ANKDD1A: variants seen among roughly 807,000 people sequenced by gnomAD.
The protein encoded by ANKDD1A is ankyrin repeat and death domain containing 1A, also known as ankyrin repeat and death domain-containing protein 1A.
A neutral mutation model predicts 63.5 loss-of-function variants in ANKDD1A; 59 were observed. That is an observed-to-expected ratio of 0.93 (90% CI 0.75 to 1.15). The LOEUF (loss-of-function observed/expected upper bound fraction) is 1.15, where lower values mean the gene tolerates loss of function less well. ANKDD1A is among the 50% of genes most tolerant of loss of function. The pLI is 0.00. For synonymous variants in ANKDD1A, 266 were observed against 263.9 expected (o/e 1.01, Z -0.08); for missense variants, 632 against 656.4 (o/e 0.96, Z 0.41).
rs145884732 is a variant in ANKDD1A, at chr15:64,947,407, C to A, written c.1165C>A (p.His389Asn). 5.6e-6 allele frequency: 9 copies of A among 1,611,526 alleles called. No individual in the cohort carries two copies. The East Asian group carries it at 1.8e-4, about 32-fold the overall frequency. ...ACTTTTGGGATCTGCCCCACAGGAC[C>A]ACCCCAGTGATCCCTCTGGGAAGAG... The part of the protein sequence containing the change: ...ADRFYRWEKD[H>N]PSDPSGKSLS... The change falls in exon 13 of 15, where the codon CAC becomes AAC. Residue 389 changes from histidine (H) to asparagine (N), a missense_variant. By Grantham distance (68) the His-to-Asn change is moderately conservative. Transcript: ENST00000319580.
At chr15:64,936,565 G>A (rs1383847409) in intron 9 of ANKDD1A, among the ~76,000 whole-genome samples, 3 of 152,196 alleles carry the variant, frequency 2.0e-5, no homozygotes, top group African/African-American at 7.2e-5. Context: ...GTTGCCAGGT[G>A]CAGTGGCTCA....
Position 64,926,890 on chromosome 15 carries a change from C to T in ANKDD1A, c.472-11C>T. 1.9e-6 allele frequency: 3 copies of T among 1,614,100 alleles called. No individual in the cohort carries two copies. Among genetic ancestry groups the T allele is most frequent in the Non-Finnish European group, 2.5e-6 (3 of 1,179,982 alleles). On this transcript the variant is annotated splice_polypyrimidine_tract_variant and intron_variant, in intron 5 of 14. Transcript: ENST00000319580. ...GTGAGGAAGGCTCACACCGCTTCTC[C>T]TCCCGGCCAGCTGGGGAGGACGGCG... is the stretch of plus-strand genomic sequence containing the variant.
intron 14 of ANKDD1A, among the ~76,000 whole-genome samples, chr15:64,952,639 T>TTCTTCTTC (rs2085315235): frequency 5.8e-4 from 5 of 8,580 alleles, no homozygotes; most frequent in East Asian, 0.01. Context: ...TTTTCTTTCT[T>TTCTTCTTC]CTTCTCCTTC....
At position 64,931,422 on chromosome 15, in the gene ANKDD1A, G is replaced by A. The variant is rs1231715360; in HGVS notation, c.670-65G>A. On this transcript the variant is annotated intron_variant, in intron 7 of 14. Coordinates refer to ENST00000319580, the MANE Select transcript of ANKDD1A (RefSeq NM_182703.6). Reference sequence around the variant, plus strand: ...GGCACAAGGGGCATCCTCTCACCGTGGGATTGGGGGTCACTTGGGGGTGGG... The same window carrying A: ...GGCACAAGGGGCATCCTCTCACCGTAGGATTGGGGGTCACTTGGGGGTGGG... 2.3e-4 allele frequency: 345 copies of A among 1,500,072 alleles called. 2 individuals carry two copies. Among genetic ancestry groups the A allele is most frequent in the Non-Finnish European group, 2.5e-5 (27 of 1,099,582 alleles). The allele number at this position is 1,500,072 out of a possible 1,614,324, so 92.9% of individuals were successfully genotyped here.
chr15:64,912,653 G>C (rs2084940401), intron 1 of ANKDD1A, among the ~76,000 whole-genome samples: 2 of 152,258 alleles, frequency 1.3e-5, no homozygotes, highest in Admixed American at 6.5e-5. Context: ...GGGAGAGAAA[G>C]ATTGTGTCGG....
chr15:64,932,313 C>G (rs2140372702), intron 8 of ANKDD1A: 1 of 152,324 alleles, frequency 6.6e-6, no homozygotes, highest in South Asian at 2.1e-4. Flanking sequence ...TTTGAGGGCA[C>G]TTTCTCAGGG....
intron 7 of ANKDD1A, 108 bp from the exon 8 acceptor site, chr15:64,931,378 CA>C (rs2085089540): frequency 1.0e-6 from 1 of 1,001,882 alleles, no homozygotes; most frequent in South Asian, 1.6e-5. Context: ...GTGGAGAGCT[CA>C]AGGGGTCCTG....
At chr15:64,946,674 C>G (rs912128805) in intron 12 of ANKDD1A, among the ~76,000 whole-genome samples, 2 of 152,166 alleles carry the variant, frequency 1.3e-5, no homozygotes, top group Non-Finnish European at 2.9e-5. Context: ...CAGATGGTCT[C>G]AATGTGCAGA....
rs1213492283 is a variant in ANKDD1A at position 64,920,210 on chromosome 15, G to A, written c.268-1711G>A. Among the ~76,000 whole-genome samples the A allele has an allele frequency of 2.6e-5, 4 of 152,274 alleles. No homozygotes were observed. In the East Asian group the frequency reaches 7.7e-4, roughly 29 times the overall value. The stretch of plus-strand genomic sequence containing the variant: ...CCGGAGCTGAGTTTGGAGGCCTGGG[G>A]TTGCTCTTCACAGAGAAGAAAAGAC... On this transcript the variant is annotated intron_variant, in intron 3 of 14. Transcript: ENST00000319580.
At chr15:64,918,078 A>C (rs1213105375) in intron 3 of ANKDD1A, among the ~76,000 whole-genome samples, 1 of 152,256 alleles carries the variant, frequency 6.6e-6, no homozygotes, top group East Asian at 1.9e-4. Flanking sequence ...AATTAAAAAA[A>C]AGCGCCTGGG....
rs199876114 is a variant in ANKDD1A at position 64,926,095 on chromosome 15, C to A, written c.396C>A (p.Ala132=). 2.9e-4 allele frequency: 475 copies of A among 1,613,908 alleles called. 4 individuals carry two copies. The Admixed American group carries it at 7.9e-3, about 27-fold the overall frequency. The change falls in exon 5 of 15, where the codon GCC becomes GCA. Residue 132 remains alanine (A), a synonymous_variant. Coordinates refer to ENST00000319580, the MANE Select transcript of ANKDD1A (RefSeq NM_182703.6). ...GCCTGACCTTACTGCACTGCGCAGC[C>A]CAAAAAGGCCATGTGCCTGTGCTGG... ...KDGLTLLHCA[A]QKGHVPVLAF... is the part of the protein sequence containing the mutation.
intron 5 of ANKDD1A, among the ~76,000 whole-genome samples, chr15:64,926,465 T>G (rs1423148888): frequency 3.3e-5 from 5 of 151,954 alleles, no homozygotes; most frequent in African/African-American, 9.7e-5. Flanking sequence ...AAACTGGATT[T>G]GTGGGTAAGA....
In ANKDD1A at chr15:64,918,137, T is replaced by A. The variant is rs1296641569; in HGVS notation, c.267+623T>A. Among the ~76,000 whole-genome samples the A allele has an allele frequency of 2.0e-5, 3 of 152,154 alleles. No homozygotes were observed. The East Asian group carries it at 5.8e-4, about 29-fold the overall frequency. ...TCAGCACTTTGGGAGGCCAAGTGGG[T>A]GGATCACTTGATCCCAGGAGTTTGG... On this transcript the variant is annotated intron_variant, in intron 3 of 14. Coordinates refer to ENST00000319580, the MANE Select transcript of ANKDD1A (RefSeq NM_182703.6).
chr15:64,951,565 T>C lies in ANKDD1A; in HGVS notation c.1483+1593T>C, dbSNP rs1174240748. 5 of 4,104 alleles carry C rather than the reference T, an allele frequency of 1.2e-3. No individual in the cohort carries two copies. In the East Asian group the frequency reaches 0.12, roughly 98 times the overall value. 0.3% of individuals were successfully genotyped at this position (4,104 alleles called of 1,614,324 possible). ...TTCTTTCTTCTCTTCTTTCTTTTTC[T>C]TTTCTTTCTTCTTCTTCTTCCTTTT... On this transcript the variant is annotated intron_variant, in intron 14 of 14. Transcript: ENST00000319580.
chr15:64,951,892 TTTTTC>T (rs950959617), intron 14 of ANKDD1A, among the ~76,000 whole-genome samples: 27 of 72,236 alleles, frequency 3.7e-4, no homozygotes, highest in African/African-American at 8.5e-4. Context: ...TCCTTCTTTC[TTTTTC>T]TTTTCTCTTC....
intron 14 of ANKDD1A, 62 bp downstream of exon 14, chr15:64,950,034 AG>A: frequency 2.5e-6 from 4 of 1,588,298 alleles, no homozygotes; most frequent in Non-Finnish European, 3.4e-6. Context: ...GGAATGCAGC[AG>A]GGCCCTCCAA....
intron 4 of ANKDD1A, among the ~76,000 whole-genome samples, chr15:64,924,294 T>C (rs1182232093): frequency 2.0e-5 from 3 of 152,240 alleles, no homozygotes; most frequent in Non-Finnish European, 2.9e-5. Flanking sequence ...CAGAGCAGAA[T>C]TGGCAAGGGC....
At chr15:64,954,454 T>C (rs2085386253) in intron 14 of ANKDD1A, among the ~76,000 whole-genome samples, 1 of 134,926 alleles carries the variant, frequency 7.4e-6, no homozygotes, top group African/African-American at 2.7e-5. Flanking sequence ...CTTCTTCTTC[T>C]TCCCTCTTCT....
intron 11 of ANKDD1A, 43 bp from the exon 12 acceptor site, chr15:64,944,609 T>A: frequency 6.3e-7 from 1 of 1,582,882 alleles, no homozygotes; most frequent in Non-Finnish European, 8.6e-7. Context: ...TGTGTACCCC[T>A]CCTGTAGAAA....
Sources: gnomAD v4.1 joint callset for allele counts (sites outside exome capture counted in the v4.1 genomes callset) on GRCh38, gnomAD v4.1.1 for gene constraint, MANE v1.5 for transcripts, NCBI Gene and HGNC (gene_info 2026-07-23, HGNC 2026-07-21) for gene names.